Variants in MAST4 observed in about 807,000 individuals in gnomAD.
The protein encoded by MAST4 is microtubule-associated serine/threonine-protein kinase 4.
A neutral mutation model predicts 162.7 loss-of-function variants in MAST4; 89 were observed. The observed-to-expected ratio is 0.55, with a 90% confidence interval of 0.46 to 0.65. MAST4 has a LOEUF of 0.65. MAST4 is among the 30% of genes least tolerant of loss of function. The probability of loss-of-function intolerance (pLI) is 0.00; values close to 1 mark genes in which losing one functional copy is unlikely to be tolerated. For synonymous variants in MAST4, 1,479 were observed against 1,361.1 expected, an observed-to-expected ratio of 1.09 and a Z score of -1.91; for missense variants, 3,153 against 3,374.0, an observed-to-expected ratio of 0.93 and a Z score of 1.62.
intron 26 of MAST4, among the ~76,000 whole-genome samples, chr5:67,157,629 A>T (rs1483781056): frequency 6.6e-6 from 1 of 152,114 alleles, no homozygotes; most frequent in Admixed American, 6.5e-5. Context: ...CTCAGGAGAG[A>T]TGGAGAGGAC....
intron 2 of MAST4, chr5:66,783,298 A>G (rs1754963790): frequency 6.6e-6 from 1 of 152,154 alleles, no homozygotes. Flanking sequence ...TTAAGCTTAT[A>G]TTTATTGAGT....
rs1773858110 is a variant in MAST4 at position 67,165,809 on chromosome 5, G to C, written c.6630G>C (p.Arg2210=). 6.2e-7 allele frequency: 1 copy of C among 1,612,268 alleles called. No homozygotes were observed. The highest frequency in any genetic ancestry group is 1.6e-4 in the Middle Eastern group (1 of 6,062). ...PGPPKTKHPD[R]SLSSQKPSVG... ...CTCCAAAGACTAAGCACCCCGACCG[G>C]TCCCTCTCCTCTCAGAAACCAAGTG... is the stretch of plus-strand genomic sequence containing the variant. Residue 2210 remains arginine, a synonymous_variant, in exon 29 of 29, where the codon CGG becomes CGC. Coordinates refer to ENST00000403625, the MANE Select transcript of MAST4 (RefSeq NM_001164664.2).
chr5:66,916,797 T>C (rs1303921164), intron 4 of MAST4, among the ~76,000 whole-genome samples: 1 of 152,214 alleles, frequency 6.6e-6, no homozygotes, highest in Non-Finnish European at 1.5e-5. Context: ...ATTTATCCCA[T>C]TTATTTTAAT....
intron 4 of MAST4, among the ~76,000 whole-genome samples, chr5:66,997,634 C>T (rs368546996): frequency 6.6e-6 from 1 of 151,768 alleles, no homozygotes; most frequent in African/African-American, 2.4e-5. Flanking sequence ...GGTTTCGCCA[C>T]GTTGGCCAGG....
At chr5:66,844,569 T>C (rs912116069) in intron 3 of MAST4, among the ~76,000 whole-genome samples, 5 of 152,132 alleles carry the variant, frequency 3.3e-5, no homozygotes, top group African/African-American at 7.2e-5. Context: ...TTTTGCTTTG[T>C]GCCAGGCTGG....
intron 1 of MAST4, among the ~76,000 whole-genome samples, chr5:66,704,504 T>TC (rs1483129037): frequency 7.0e-6 from 1 of 142,664 alleles, no homozygotes; most frequent in Non-Finnish European, 1.5e-5. Flanking sequence ...TTTTTTTTTT[T>TC]TTTTTTTTTT....
chr5:67,014,261 T>C (rs973890578), intron 4 of MAST4, among the ~76,000 whole-genome samples: 1 of 152,174 alleles, frequency 6.6e-6, no homozygotes, highest in Non-Finnish European at 1.5e-5. Flanking sequence ...GGCAAAACAA[T>C]TGATAGGCAC....
At chr5:66,692,326 C>G (rs1463080508) in intron 1 of MAST4, among the ~76,000 whole-genome samples, 2 of 151,988 alleles carry the variant, frequency 1.3e-5, no homozygotes, top group Non-Finnish European at 2.9e-5. Flanking sequence ...TATCCCCTGT[C>G]TCCCTATATA....
intron 2 of MAST4, among the ~76,000 whole-genome samples, chr5:66,780,096 C>T (rs1754788002): frequency 6.6e-6 from 1 of 152,002 alleles, no homozygotes; most frequent in Non-Finnish European, 1.5e-5. Context: ...CCAAAATTTA[C>T]CATTTAACTA....
intron 10 of MAST4, 133 bp from the exon 11 acceptor site, chr5:67,109,965 T>C: frequency 1.6e-6 from 1 of 627,834 alleles, no homozygotes; most frequent in Non-Finnish European, 2.9e-6. Flanking sequence ...TGTTTATCAA[T>C]CTTTTAATAG....
chr5:66,981,328 A>G (rs141077060), intron 4 of MAST4, among the ~76,000 whole-genome samples: 3 of 152,250 alleles, frequency 2.0e-5, no homozygotes, highest in Non-Finnish European at 2.9e-5. Context: ...ACATTGGACT[A>G]TGCAGTCAAT....
At chr5:67,059,321 C>A (rs1759263872) in intron 5 of MAST4, among the ~76,000 whole-genome samples, 1 of 152,108 alleles carries the variant, frequency 6.6e-6, no homozygotes, top group Non-Finnish European at 1.5e-5. Context: ...GAGTGAGGCC[C>A]CACTCAGATA....
At chr5:67,123,892 C>T (rs1057435947) in intron 14 of MAST4, among the ~76,000 whole-genome samples, 4 of 152,216 alleles carry the variant, frequency 2.6e-5, no homozygotes, top group East Asian at 1.9e-4. Flanking sequence ...AAGTGGCATA[C>T]GCCCTGTCTC....
At chr5:66,828,620 G>A (rs879549721) in intron 3 of MAST4, among the ~76,000 whole-genome samples, 24 of 152,324 alleles carry the variant, frequency 1.6e-4, no homozygotes, top group African/African-American at 5.3e-4. Context: ...TGCATTAGGT[G>A]TCTGAGCCCA....
chr5:66,773,167 A>G (rs761140841), intron 2 of MAST4, among the ~76,000 whole-genome samples: 4 of 152,214 alleles, frequency 2.6e-5, no homozygotes, highest in Non-Finnish European at 5.9e-5. Flanking sequence ...GTTCCACAGG[A>G]AAAAGAGTAG....
intron 4 of MAST4, chr5:67,004,611 GTAT>G: frequency 1.1e-5 from 2 of 174,230 alleles, no homozygotes; most frequent in Non-Finnish European, 2.5e-5. Flanking sequence ...GCGGCGAGTG[GTAT>G]CTGCCAAACA....
At chr5:66,893,443 G>A (rs964112417) in intron 3 of MAST4, among the ~76,000 whole-genome samples, 6 of 151,652 alleles carry the variant, frequency 4.0e-5, no homozygotes, top group Non-Finnish European at 4.4e-5. Flanking sequence ...GGCCAGGCTG[G>A]TCTCGAACTC....
chr5:66,895,833 ACTTT>A (rs1762650528), intron 3 of MAST4, among the ~76,000 whole-genome samples: 1 of 152,068 alleles, frequency 6.6e-6, no homozygotes, highest in African/African-American at 2.4e-5. Context: ...CTTTTGATAC[ACTTT>A]CTTTCACATT....
intron 1 of MAST4, among the ~76,000 whole-genome samples, chr5:66,718,324 T>C (rs1309829768): frequency 6.6e-6 from 1 of 152,120 alleles, no homozygotes; most frequent in African/African-American, 2.4e-5. Flanking sequence ...GATTAAGTTA[T>C]GATGTCATCT....
Sources: allele counts gnomAD v4.1 joint callset (sites outside exome capture counted in the v4.1 genomes callset), GRCh38; gene constraint gnomAD v4.1.1; transcripts MANE v1.5; gene names NCBI Gene and HGNC (gene_info 2026-07-23, HGNC 2026-07-21).